Variants in EYA3 observed in about 807,000 individuals in gnomAD.
EYA3 encodes the protein EYA transcriptional coactivator and phosphatase 3, also known as protein phosphatase EYA3.
EYA3 carries 39 observed loss-of-function variants against 80.0 expected under a neutral mutation model. That is an observed-to-expected ratio of 0.49 (90% confidence interval 0.38 to 0.64). The LOEUF is 0.64. EYA3 is among the 30% of genes least tolerant of loss of function. The probability of loss-of-function intolerance (pLI) is 0.00; values close to 1 mark genes in which losing one functional copy is unlikely to be tolerated. For synonymous variants in EYA3, 206 were observed against 232.8 expected, an observed-to-expected ratio of 0.88 and a Z score of 1.05; for missense variants, 523 against 676.1, an observed-to-expected ratio of 0.77 and a Z score of 2.51.
chr1:28,073,995 T>C (rs1310262652), intron 1 of EYA3, among the ~76,000 whole-genome samples: 2 of 152,152 alleles, frequency 1.3e-5, no homozygotes, highest in African/African-American at 4.8e-5. Context: ...ATAAACATAG[T>C]TGGAACAATA....
In EYA3 at chr1:28,085,449, G is replaced by T. The variant is rs558925709; in HGVS notation, c.-69+3075C>A. 2.1e-3 allele frequency among the ~76,000 whole-genome samples: 317 copies of T among 152,116 alleles called. 1 individual carries two copies. The highest frequency in any genetic ancestry group is 7.1e-3 in the African/African-American group (296 of 41,486). ...GGCCAACAGAGCAAGGTTTTGTTTT[G>T]TTTTTTGTCTCAAAAAAACAAACAA... On this transcript the variant is annotated intron_variant, in intron 1 of 17. Transcript: ENST00000373871.
chr1:28,052,365 A>G (rs1012004710), intron 2 of EYA3, among the ~76,000 whole-genome samples: 31 of 152,310 alleles, frequency 2.0e-4, no homozygotes, highest in Admixed American at 3.9e-4. Context: ...TGGTACTGGC[A>G]TAAGGATGGA....
At chr1:28,010,175 G>A (rs564221673) in intron 10 of EYA3, among the ~76,000 whole-genome samples, 9 of 152,042 alleles carry the variant, frequency 5.9e-5, no homozygotes, top group Middle Eastern at 3.4e-3. Context: ...ATAGAAAAAC[G>A]GAAAACAGAA....
chr1:27,977,159 G>T, intron 17 of EYA3: 1 of 1,434,108 alleles, frequency 7.0e-7, no homozygotes, highest in Admixed American at 2.7e-5. Context: ...TTCCCAAAGA[G>T]GGCAACAAGA....
intron 4 of EYA3, among the ~76,000 whole-genome samples, chr1:28,040,803 C>G (rs1185945921): frequency 8.5e-6 from 1 of 117,210 alleles, no homozygotes; most frequent in African/African-American, 3.3e-5. Flanking sequence ...TGTCACAGAA[C>G]AAAGAGAAGG....
intron 15 of EYA3, among the ~76,000 whole-genome samples, chr1:27,989,090 T>C (rs1297022861): frequency 6.6e-6 from 1 of 152,252 alleles, no homozygotes; most frequent in Non-Finnish European, 1.5e-5. Flanking sequence ...AATAGCAACA[T>C]AGATTCTAGA....
intron 1 of EYA3, among the ~76,000 whole-genome samples, chr1:28,061,163 C>T (rs529158750): frequency 1.3e-5 from 2 of 152,326 alleles, no homozygotes; most frequent in African/African-American, 4.8e-5. Context: ...CTACTGGCAA[C>T]ATACAATGTG....
intron 6 of EYA3, among the ~76,000 whole-genome samples, chr1:28,033,989 G>A (rs1346892200): frequency 6.7e-6 from 1 of 149,436 alleles, no homozygotes; most frequent in Non-Finnish European, 1.5e-5. Context: ...GAGGCCAGGA[G>A]TTTGAGACCA....
Position 27,993,504 on chromosome 1 carries a change from C to A in EYA3, c.1199G>T (p.Gly400Val), listed in dbSNP as rs530106628. The A allele has an allele frequency of 6.8e-6, 11 of 1,612,592 alleles. No homozygotes were observed. The highest frequency in any genetic ancestry group is 1.3e-5 in the African/African-American group (1 of 74,856). The change falls in exon 14 of 18, where the codon GGT becomes GTT. Residue 400 changes from glycine (G) to valine (V), a missense_variant. This residue lies in a region of EYA3 where 219 missense variants were observed against 332.8 expected (regional missense o/e 0.66). Coordinates refer to ENST00000373871, the MANE Select transcript of EYA3 (RefSeq NM_001990.4). Reference sequence around the variant, plus strand: ...ACCTCCCTGAACACCCACAGATGAACCATGGCTGCCACTACCTCCTGAGCC... The same window carrying A: ...ACCTCCCTGAACACCCACAGATGAAACATGGCTGCCACTACCTCCTGAGCC... ...FSGSGGSGSH[G>V]SSVGVQGGVD...
At chr1:28,027,683 C>A in intron 7 of EYA3, 106 bp downstream of exon 7, 1 of 1,425,782 alleles carries the variant, frequency 7.0e-7, no homozygotes, top group Non-Finnish European at 9.7e-7. Flanking sequence ...CTTTAGAAGA[C>A]AGAGCTCCTG....
chr1:28,021,609 CT>C (rs113081277), intron 7 of EYA3, among the ~76,000 whole-genome samples: 540 of 144,028 alleles, frequency 3.7e-3, no homozygotes, highest in Non-Finnish European at 3.6e-3. Flanking sequence ...AATCATTCTT[CT>C]TTTTTTTTTT....
At chr1:28,087,346 GA>G (rs541891913) in intron 1 of EYA3, among the ~76,000 whole-genome samples, 2 of 149,252 alleles carry the variant, frequency 1.3e-5, no homozygotes, top group Non-Finnish European at 3.0e-5. Flanking sequence ...AAATGGTAAG[GA>G]AAAAAAAATA....
intron 1 of EYA3, among the ~76,000 whole-genome samples, chr1:28,084,407 T>C (rs1037606468): frequency 1.3e-5 from 2 of 151,308 alleles, no homozygotes; most frequent in African/African-American, 4.9e-5. Flanking sequence ...GCTTAAGCCA[T>C]ACACTTTGTA....
chr1:27,975,144 T>C (rs1638870653), intron 17 of EYA3, among the ~76,000 whole-genome samples: 1 of 151,998 alleles, frequency 6.6e-6, no homozygotes, highest in Non-Finnish European at 1.5e-5. Flanking sequence ...GTCAAAATCA[T>C]GTCCAGAAAA....
chr1:28,040,007 TG>T (rs1218554917), intron 4 of EYA3, among the ~76,000 whole-genome samples: 1 of 152,176 alleles, frequency 6.6e-6, no homozygotes, highest in Admixed American at 6.5e-5. Flanking sequence ...AATTTAATTC[TG>T]GAAGGAATCA....
chr1:28,085,760 G>GGTTT (rs149922866), intron 1 of EYA3, among the ~76,000 whole-genome samples: 3,968 of 151,826 alleles, frequency 0.026, 95 homozygotes, highest in African/African-American at 0.061. Flanking sequence ...GCTGTCTCTG[G>GGTTT]GTTTGTTTGT....
At chr1:28,073,292 C>T (rs1297661008) in intron 1 of EYA3, among the ~76,000 whole-genome samples, 1 of 143,624 alleles carries the variant, frequency 7.0e-6, no homozygotes, top group African/African-American at 2.7e-5. Flanking sequence ...ACTACCACAC[C>T]CAGCTAATTT....
At chr1:27,995,942 G>A (rs935211746) in intron 13 of EYA3, among the ~76,000 whole-genome samples, 2 of 152,006 alleles carry the variant, frequency 1.3e-5, no homozygotes, top group African/African-American at 2.4e-5. Context: ...GCGTGATCTC[G>A]GCTCACTACA....
At chr1:27,984,559 A>G (rs942962455) in intron 16 of EYA3, among the ~76,000 whole-genome samples, 4 of 152,156 alleles carry the variant, frequency 2.6e-5, no homozygotes, top group African/African-American at 9.7e-5. Context: ...AAGGAAAACA[A>G]TTCTGCCTTT....
Sources: allele counts gnomAD v4.1 joint callset (sites outside exome capture counted in the v4.1 genomes callset), GRCh38; gene constraint gnomAD v4.1.1; regional missense constraint gnomAD v4.1.1; transcripts MANE v1.5; gene names NCBI Gene and HGNC (gene_info 2026-07-23, HGNC 2026-07-21).